Variants in KLHL29 observed in about 807,000 individuals in gnomAD.
KLHL29 encodes kelch-like protein 29.
Under a neutral mutation model 80.4 loss-of-function variants are expected in KLHL29, and 21 were observed. The ratio of observed to expected loss-of-function variants is 0.26; its 90% CI spans 0.19 to 0.38. The LOEUF (loss-of-function observed/expected upper bound fraction) is 0.38, where lower values mean the gene tolerates loss of function less well. Among genes scored for constraint, KLHL29 ranks in the 10% least tolerant of loss-of-function variants. The pLI, the probability that KLHL29 is intolerant of heterozygous loss-of-function variation, is 1.00. For synonymous variants in KLHL29, 511 were observed against 526.8 expected (o/e 0.97, Z 0.41); for missense variants, 867 against 1,223.9 (o/e 0.71, Z 4.35).
chr2:23,591,711 A>C (rs1668265127), intron 3 of KLHL29, among the ~76,000 whole-genome samples: 1 of 151,966 alleles, frequency 6.6e-6, no homozygotes, highest in African/African-American at 2.4e-5. Context: ...CCAGCACTCC[A>C]TCCTGTCCCT....
Position 23,693,548 on chromosome 2 carries a change from C to T in KLHL29, c.1542+20C>T, listed in dbSNP as rs1671756246. On this transcript the variant is annotated intron_variant, in intron 8 of 13. Coordinates refer to ENST00000486442, the MANE Select transcript of KLHL29 (RefSeq NM_052920.2). The stretch of plus-strand genomic sequence containing the variant: ...ACACAGGTGGGGCCTGCCCTGTCCC[C>T]CGCCCCTTCTCTCTGGGTTTGGGGT... The T allele has an allele frequency of 2.6e-6, 4 of 1,538,148 alleles. No homozygotes were observed. In the East Asian group the frequency reaches 9.9e-5, roughly 38 times the overall value.
chr2:23,561,809 G>A (rs910718594), intron 2 of KLHL29, among the ~76,000 whole-genome samples: 5 of 152,202 alleles, frequency 3.3e-5, no homozygotes, highest in African/African-American at 7.2e-5. Context: ...CTTTTTTCAC[G>A]GTGGGGTGGG....
intron 5 of KLHL29, among the ~76,000 whole-genome samples, chr2:23,683,394 G>A (rs955342971): frequency 1.3e-5 from 2 of 152,260 alleles, no homozygotes; most frequent in Non-Finnish European, 2.9e-5. Flanking sequence ...GATCCTGGGG[G>A]CAGGCAGATG....
chr2:23,646,835 C>G (rs544290299), intron 5 of KLHL29, among the ~76,000 whole-genome samples: 2 of 152,344 alleles, frequency 1.3e-5, no homozygotes, highest in African/African-American at 4.8e-5. Flanking sequence ...CTCCTCACTT[C>G]TCTAAGCCTC....
At chr2:23,615,683 A>T (rs1401900961) in intron 3 of KLHL29, among the ~76,000 whole-genome samples, 1 of 152,102 alleles carries the variant, frequency 6.6e-6, no homozygotes, top group Non-Finnish European at 1.5e-5. Context: ...AAATCCCATT[A>T]TTCCAGTCTA....
At position 23,618,181 on chromosome 2, in the gene KLHL29, T is replaced by A. The variant is rs77826015; in HGVS notation, c.286-20958T>A. Among the ~76,000 whole-genome samples, 905 of 152,276 alleles carry A rather than the reference T, an allele frequency of 5.9e-3. 7 individuals are homozygous for A. The highest frequency in any genetic ancestry group is 0.017 in the African/African-American group (686 of 41,540). On this transcript the variant is annotated intron_variant, in intron 3 of 13. Coordinates refer to ENST00000486442, the MANE Select transcript of KLHL29 (RefSeq NM_052920.2). ...TTATTGTTTGGGCCTTTATTTATTT[T>A]TTTTTTCCTGCCTTGACACTCCCTG...
At chr2:23,587,115 T>C (rs1668140093) in intron 3 of KLHL29, among the ~76,000 whole-genome samples, 1 of 152,180 alleles carries the variant, frequency 6.6e-6, no homozygotes, top group African/African-American at 2.4e-5. Flanking sequence ...AGACGCCCTG[T>C]TAAATTGCAG....
At chr2:23,585,853 G>A (rs1668104683) in intron 3 of KLHL29, among the ~76,000 whole-genome samples, 3 of 152,322 alleles carry the variant, frequency 2.0e-5, no homozygotes. Context: ...CTCCAGAGAA[G>A]GAGAAGCACT....
intron 3 of KLHL29, among the ~76,000 whole-genome samples, chr2:23,606,189 G>GGAGAGA (rs757910245): frequency 3.6e-5 from 5 of 140,744 alleles, no homozygotes; most frequent in Admixed American, 7.1e-5. Flanking sequence ...AGAGAGAGAG[G>GGAGAGA]GAGAGAGAGA....
intron 13 of KLHL29, among the ~76,000 whole-genome samples, chr2:23,706,251 G>T (rs187077311): frequency 2.6e-4 from 39 of 152,324 alleles, no homozygotes; most frequent in Non-Finnish European, 3.2e-4. Context: ...CAGGGAGGGA[G>T]CGCCTTCTGC....
intron 2 of KLHL29, among the ~76,000 whole-genome samples, chr2:23,487,929 C>T (rs1177424793): frequency 1.3e-5 from 2 of 152,146 alleles, no homozygotes; most frequent in Admixed American, 6.5e-5. Context: ...CACAGTGGCT[C>T]GGTGCATGCT....
chr2:23,403,727 G>GAC (rs1666651688), intron 1 of KLHL29, among the ~76,000 whole-genome samples: 1 of 82,100 alleles, frequency 1.2e-5, no homozygotes, highest in Non-Finnish European at 2.2e-5. Context: ...GAGAGAGAGA[G>GAC]TGTGTGTGTG....
chr2:23,492,872 C>T (rs1379935522), intron 2 of KLHL29, among the ~76,000 whole-genome samples: 1 of 152,116 alleles, frequency 6.6e-6, no homozygotes, highest in Non-Finnish European at 1.5e-5. Context: ...CTTACCGTAG[C>T]CTCACGATAC....
At chr2:23,412,814 G>A (rs757336901) in intron 1 of KLHL29, among the ~76,000 whole-genome samples, 3 of 152,156 alleles carry the variant, frequency 2.0e-5, no homozygotes, top group Admixed American at 6.5e-5. Flanking sequence ...CAAGAAGCTC[G>A]CAAAATGGGA....
intron 1 of KLHL29, among the ~76,000 whole-genome samples, chr2:23,456,342 C>A (rs1664049148): frequency 6.6e-6 from 1 of 152,218 alleles, no homozygotes; most frequent in South Asian, 2.1e-4. Context: ...GAGCCACCTC[C>A]ACAGAACCCC....
Position 23,562,373 on chromosome 2 carries a change from G to A in KLHL29, c.177G>A (p.Val59=). The change falls in exon 3 of 14, where the codon GTG becomes GTA. Residue 59 remains valine (V), a synonymous_variant. Transcript: ENST00000486442. The surrounding 1 kb of genome is among the most constrained non-coding windows in gnomAD (Gnocchi z 4.5). ...CCGGCCTCCTGCCGCTGCCCGTGGT[G>A]CCCTCCCGGCTGCCCACCCCGGCTA... ...VRPGLLPLPV[V]PSRLPTPATA... is the part of the protein sequence containing the mutation. 6.5e-7 allele frequency: 1 copy of A among 1,540,514 alleles called. No individual in the cohort carries two copies. The highest frequency in any genetic ancestry group is 8.7e-7 in the Non-Finnish European group (1 of 1,145,464).
rs1175269101 is a variant in KLHL29, at chr2:23,681,971, G to A, written c.941-2428G>A. ...CGCTGGGCTCTCTACCTTGTCTCTA[G>A]CCCAGGCCTCTATCCACCGCCTCCT... On this transcript the variant is annotated intron_variant, in intron 5 of 13. Coordinates refer to ENST00000486442, the MANE Select transcript of KLHL29 (RefSeq NM_052920.2). The surrounding 1 kb of genome is among the most constrained non-coding windows in gnomAD (Gnocchi z 4.2). Among the ~76,000 whole-genome samples the A allele has an allele frequency of 6.6e-6, 1 of 152,040 alleles. No individual in the cohort carries two copies. The highest frequency in any genetic ancestry group is 2.4e-5 in the African/African-American group (1 of 41,396).
At chr2:23,458,504 C>A (rs529825392) in intron 1 of KLHL29, among the ~76,000 whole-genome samples, 1 of 152,366 alleles carries the variant, frequency 6.6e-6, no homozygotes, top group South Asian at 2.1e-4. Context: ...AGGTAATCCT[C>A]TATCTACATA....
Position 23,681,588 on chromosome 2 carries a change from C to T in KLHL29, c.941-2811C>T, listed in dbSNP as rs1175824279. Among the ~76,000 whole-genome samples the T allele has an allele frequency of 6.6e-6, 1 of 152,182 alleles. No individual in the cohort carries two copies. The highest frequency in any genetic ancestry group is 1.5e-5 in the Non-Finnish European group (1 of 68,024). ...AGCAGGCATGTGGGGCCACATCTGT[C>T]ACTCTCTGCAGCATGACACCCAGGG... is the stretch of plus-strand genomic sequence containing the variant. On this transcript the variant is annotated intron_variant, in intron 5 of 13. Transcript: ENST00000486442. The surrounding 1 kb of genome is among the most constrained non-coding windows in gnomAD (Gnocchi z 4.2).
Sources: gnomAD v4.1 joint callset for allele counts (sites outside exome capture counted in the v4.1 genomes callset) on GRCh38, gnomAD v4.1.1 for gene constraint, Gnocchi (gnomAD v3.1) non-coding constraint, MANE v1.5 for transcripts, NCBI Gene and HGNC (gene_info 2026-07-23, HGNC 2026-07-21) for gene names.